The following PHLDB2 variants were observed in gnomAD, a reference collection of about 807,000 sequenced individuals.
PHLDB2 encodes the protein pleckstrin homology like domain family B member 2.
A neutral mutation model predicts 123.6 loss-of-function variants in PHLDB2; 71 were observed. That is an observed-to-expected ratio of 0.57 (90% confidence interval 0.47 to 0.70). PHLDB2 has a LOEUF of 0.70. Among genes scored for constraint, PHLDB2 ranks in the 30% least tolerant of loss-of-function variants. The pLI is 0.00. For missense variants in PHLDB2, 1,446 were observed against 1,519.5 expected (o/e 0.95, Z 0.80); for synonymous variants, 547 against 541.6 (o/e 1.01, Z -0.14).
intron 1 of PHLDB2, among the ~76,000 whole-genome samples, chr3:111,871,599 A>G (rs2065344489): frequency 6.6e-6 from 1 of 152,218 alleles, no homozygotes; most frequent in Admixed American, 6.5e-5. Flanking sequence ...GGTTGCAGTG[A>G]GGCAAGATTG....
chr3:111,924,004 C>CA (rs1293420440), intron 5 of PHLDB2, among the ~76,000 whole-genome samples: 1 of 152,146 alleles, frequency 6.6e-6, no homozygotes, highest in South Asian at 2.1e-4. Context: ...GCCTTTCTGT[C>CA]ACCACCCTCC....
At position 111,966,656 on chromosome 3, in the gene PHLDB2, C is replaced by A. The variant is rs777972745; in HGVS notation, c.3121C>A (p.Leu1041Ile). The A allele has an allele frequency of 1.2e-6, 2 of 1,613,466 alleles. No homozygotes were observed. The highest frequency in any genetic ancestry group is 1.1e-5 in the South Asian group (1 of 91,026). ...TGCTAGAATAGAAGAAATGGAGAGA[C>A]TTTTGAAGCAGGCTCATGCAGAAAA... is the stretch of plus-strand genomic sequence containing the variant. ...NIARIEEMER[L>I]LKQAHAEKTR... Residue 1041 changes from leucine (L) to isoleucine (I), a missense_variant, in exon 14 of 18, where the codon CTT becomes ATT. This residue lies in a region of PHLDB2 where 594 missense variants were observed against 646.0 expected (regional missense o/e 0.92). Coordinates refer to ENST00000431670, the MANE Select transcript of PHLDB2 (RefSeq NM_001134438.2).
At chr3:111,787,858 T>TA (rs1326788249) in intron 1 of PHLDB2, among the ~76,000 whole-genome samples, 10 of 152,210 alleles carry the variant, frequency 6.6e-5, no homozygotes, top group African/African-American at 2.4e-4. Context: ...AAGTTGAAGA[T>TA]ACACCAATTT....
In PHLDB2 at chr3:111,884,175, A is replaced by T. The variant is rs1301435653; in HGVS notation, c.98A>T (p.Asn33Ile). 1 of 1,614,174 alleles carries T rather than the reference A, an allele frequency of 6.2e-7. No individual in the cohort carries two copies. ...VVHSVENDSQ[N>I]MMESLSPKKY... ...CATTCTGTTGAGAACGATTCCCAAA[A>T]CATGATGGAGAGCCTCAGCCCAAAG... Residue 33 changes from asparagine to isoleucine, a missense_variant, in exon 2 of 18, where the codon AAC becomes ATC. Coordinates refer to ENST00000431670, the MANE Select transcript of PHLDB2 (RefSeq NM_001134438.2).
At chr3:111,947,374 G>T (rs894456729) in intron 9 of PHLDB2, among the ~76,000 whole-genome samples, 3 of 152,124 alleles carry the variant, frequency 2.0e-5, no homozygotes. Context: ...GAGAACACAT[G>T]GCAATTCTTG....
chr3:111,855,220 T>G (rs945662928), upstream of PHLDB2, among the ~76,000 whole-genome samples: 1 of 152,078 alleles, frequency 6.6e-6, no homozygotes, highest in Non-Finnish European at 1.5e-5. Flanking sequence ...GAAAGTAAGA[T>G]CAGGGACTGT....
chr3:111,911,183 G>C (rs2067860782), intron 2 of PHLDB2, among the ~76,000 whole-genome samples: 1 of 152,170 alleles, frequency 6.6e-6, no homozygotes, highest in African/African-American at 2.4e-5. Flanking sequence ...TATCTTTCAT[G>C]CTTTTGAACA....
At chr3:111,847,418 T>G (rs576309590) in intron 2 of PHLDB2, among the ~76,000 whole-genome samples, 31 of 152,222 alleles carry the variant, frequency 2.0e-4, no homozygotes, top group Non-Finnish European at 3.4e-4. Flanking sequence ...TAAAAGAACT[T>G]AAAATTTTAA....
intron 15 of PHLDB2, among the ~76,000 whole-genome samples, chr3:111,968,584 C>G (rs993416060): frequency 6.6e-6 from 1 of 152,122 alleles, no homozygotes; most frequent in Non-Finnish European, 1.5e-5. Context: ...TCACTAGACT[C>G]AAAGGCAAAA....
chr3:111,938,232 C>G (rs1006456909), intron 6 of PHLDB2, among the ~76,000 whole-genome samples: 1 of 152,098 alleles, frequency 6.6e-6, no homozygotes, highest in African/African-American at 2.4e-5. Flanking sequence ...ATATTTTCAG[C>G]AAAACCCAGC....
At chr3:111,829,971 C>G (rs1334995546) in intron 1 of PHLDB2, among the ~76,000 whole-genome samples, 1 of 119,792 alleles carries the variant, frequency 8.3e-6, no homozygotes, top group African/African-American at 4.7e-5. Context: ...CACACACACA[C>G]AGCAAAACCA....
intron 1 of PHLDB2, among the ~76,000 whole-genome samples, chr3:111,832,468 C>T (rs909177927): frequency 2.0e-5 from 3 of 150,924 alleles, no homozygotes; most frequent in Non-Finnish European, 4.4e-5. Context: ...ATCCTTCCAT[C>T]CCCATTCCCC....
chr3:111,911,298 G>C (rs1475621320), intron 2 of PHLDB2, among the ~76,000 whole-genome samples: 1 of 152,214 alleles, frequency 6.6e-6, no homozygotes, highest in South Asian at 2.1e-4. Flanking sequence ...GATTAGGAAA[G>C]ACTTGAGTTT....
intron 1 of PHLDB2, among the ~76,000 whole-genome samples, chr3:111,863,096 G>C (rs2064913742): frequency 6.6e-6 from 1 of 152,188 alleles, no homozygotes; most frequent in Non-Finnish European, 1.5e-5. Context: ...ATGGGGGAGG[G>C]GTGGCATTAG....
intron 1 of PHLDB2, among the ~76,000 whole-genome samples, chr3:111,843,412 A>G (rs1307334944): frequency 6.6e-6 from 1 of 152,186 alleles, no homozygotes; most frequent in East Asian, 1.9e-4. Context: ...TTTTTATTAG[A>G]CAGCGTCTTG....
At chr3:111,866,352 A>G (rs1329716698) in intron 1 of PHLDB2, among the ~76,000 whole-genome samples, 1 of 152,084 alleles carries the variant, frequency 6.6e-6, no homozygotes, top group Admixed American at 6.5e-5. Flanking sequence ...AGCGAAATGC[A>G]TTACAAACAT....
chr3:111,855,833 T>C (rs545341510), upstream of PHLDB2, among the ~76,000 whole-genome samples: 1 of 152,166 alleles, frequency 6.6e-6, no homozygotes, highest in East Asian at 1.9e-4. Flanking sequence ...GGTTTTGCCA[T>C]GTTGGCCAGG....
chr3:111,765,578 G>A (rs2060065045), intron 1 of PHLDB2, among the ~76,000 whole-genome samples: 1 of 152,184 alleles, frequency 6.6e-6, no homozygotes, highest in South Asian at 2.1e-4. Flanking sequence ...AGAGAGAAAT[G>A]TATTCAGGTC....
intron 3 of PHLDB2, chr3:111,914,259 T>C (rs1432831802): frequency 1.3e-5 from 2 of 152,164 alleles, no homozygotes; most frequent in African/African-American, 4.8e-5. Flanking sequence ...TATTGTAGCA[T>C]ATATATATTT....
Sources: gnomAD v4.1 joint callset for allele counts (sites outside exome capture counted in the v4.1 genomes callset) on GRCh38, gnomAD v4.1.1 for gene constraint, gnomAD v4.1.1 regional missense constraint, MANE v1.5 for transcripts, NCBI Gene and HGNC (gene_info 2026-07-23, HGNC 2026-07-21) for gene names.